Variants in MCM3AP observed in about 807,000 individuals in gnomAD.
MCM3AP encodes the protein minichromosome maintenance complex component 3 associated protein.
Under a neutral mutation model 184.1 loss-of-function variants are expected in MCM3AP, and 126 were observed. The ratio of observed to expected loss-of-function variants is 0.68; its 90% confidence interval spans 0.59 to 0.79. The LOEUF (loss-of-function observed/expected upper bound fraction) is 0.79. Among genes scored for constraint, MCM3AP ranks in the 30% least tolerant of loss-of-function variants. MCM3AP has a pLI of 0.00. For synonymous variants in MCM3AP, 1,002 were observed against 979.3 expected (o/e 1.02, Z -0.43); for missense variants, 2,496 against 2,479.2 (o/e 1.01, Z -0.14).
intron 23 of MCM3AP, 21 bp downstream of exon 23, chr21:46,244,786 C>A: frequency 6.3e-7 from 1 of 1,582,532 alleles, no homozygotes; most frequent in South Asian, 1.2e-5. Flanking sequence ...CCCACCAGAC[C>A]TCCCCAGGTC....
intron 10 of MCM3AP, chr21:46,266,386 C>G (rs1049439527): frequency 4.6e-6 from 2 of 434,540 alleles, no homozygotes; most frequent in Non-Finnish European, 8.1e-6. Flanking sequence ...CGCTGACTCA[C>G]TCCTGCCTCC....
At chr21:46,250,069 T>C (rs2080844352) in intron 20 of MCM3AP, 1 of 152,696 alleles carries the variant, frequency 6.5e-6, no homozygotes, top group African/African-American at 2.4e-5. Context: ...GACAGAACAT[T>C]TGGAAAACTC....
intron 19 of MCM3AP, chr21:46,253,083 G>A (rs2080897420): frequency 6.6e-6 from 1 of 152,230 alleles, no homozygotes; most frequent in Admixed American, 6.5e-5. Context: ...AGGCTGCGGT[G>A]AGCTGTTATC....
chr21:46,243,336 A>T, intron 24 of MCM3AP, 129 bp downstream of exon 24: 1 of 1,087,598 alleles, frequency 9.2e-7, no homozygotes, highest in Non-Finnish European at 1.3e-6. Context: ...TGAAGAGGGA[A>T]GTCCTAAGGA....
At chr21:46,273,623 A>G in intron 6 of MCM3AP, 38 bp from the exon 7 acceptor site, 1 of 1,572,880 alleles carries the variant, frequency 6.4e-7, no homozygotes, top group African/African-American at 1.3e-5. Context: ...CCCATGTGGC[A>G]TACCTTGGGC....
At chr21:46,268,762 G>A (rs998437905) in intron 9 of MCM3AP, among the ~76,000 whole-genome samples, 7 of 152,208 alleles carry the variant, frequency 4.6e-5, no homozygotes, top group Admixed American at 2.6e-4. Flanking sequence ...TATTAAAAAC[G>A]GCCAGGCAAG....
At chr21:46,278,841 T>C (rs911185108) in intron 4 of MCM3AP, among the ~76,000 whole-genome samples, 7 of 152,000 alleles carry the variant, frequency 4.6e-5, no homozygotes, top group Non-Finnish European at 1.0e-4. Context: ...GCCCGGCTAA[T>C]TTTTTGTATT....
intron 16 of MCM3AP, 132 bp from the exon 17 acceptor site, chr21:46,257,118 C>T (rs1021064741): frequency 5.5e-6 from 7 of 1,268,924 alleles, no homozygotes; most frequent in South Asian, 4.4e-5. Flanking sequence ...AACTACCGAA[C>T]GTTAACAGTT....
intron 23 of MCM3AP, 26 bp downstream of exon 23, chr21:46,244,781 C>T: frequency 6.3e-7 from 1 of 1,576,110 alleles, no homozygotes; most frequent in African/African-American, 1.3e-5. Flanking sequence ...AGCCACCCAC[C>T]AGACCTCCCC....
intron 19 of MCM3AP, 121 bp from the exon 20 acceptor site, chr21:46,251,803 A>G: frequency 3.4e-6 from 2 of 582,508 alleles, no homozygotes; most frequent in Non-Finnish European, 6.0e-6. Flanking sequence ...TAGGTCCACA[A>G]ATACCACATC....
intron 25 of MCM3AP, chr21:46,241,401 T>C (rs929619382): frequency 1.2e-5 from 2 of 172,274 alleles, no homozygotes; most frequent in East Asian, 1.6e-4. Flanking sequence ...TTTTTATAGA[T>C]AGCTCTTGGA....
At chr21:46,248,155 C>T (rs541756589) in intron 20 of MCM3AP, among the ~76,000 whole-genome samples, 25 of 152,236 alleles carry the variant, frequency 1.6e-4, no homozygotes, top group Admixed American at 8.5e-4. Flanking sequence ...TATACCCAGG[C>T]GCTGCAGACA....
intron 17 of MCM3AP, 26 bp downstream of exon 17, chr21:46,256,763 C>G: frequency 1.3e-6 from 2 of 1,536,082 alleles, no homozygotes; most frequent in Non-Finnish European, 1.8e-6. Flanking sequence ...GGAGCCCTGA[C>G]GAGGCAGGCG....
chr21:46,242,345 A>C (rs908861552), intron 25 of MCM3AP: 2 of 152,604 alleles, frequency 1.3e-5, no homozygotes, highest in African/African-American at 4.8e-5. Flanking sequence ...ACCCAAGCTA[A>C]AGAAAGTACC....
chr21:46,285,069 A>G lies in MCM3AP; in HGVS notation c.218T>C (p.Leu73Ser), dbSNP rs1569087012. ...GVSHSSSVQT[L>S]GFTQTSSVGP... ...AACACTTGAGGTTTGGGTGAACCCT[A>G]ATGTTTGCACTGAAGAGGAATGACT... is the stretch of plus-strand genomic sequence containing the variant. Residue 73 changes from leucine (L) to serine (S), a missense_variant, in exon 1 of 28, where the codon TTA becomes TCA. Coordinates refer to ENST00000291688, the MANE Select transcript of MCM3AP (RefSeq NM_003906.5). The G allele has an allele frequency of 1.2e-6, 2 of 1,614,218 alleles. No individual in the cohort carries two copies. Among genetic ancestry groups the G allele is most frequent in the East Asian group, 4.5e-5 (2 of 44,890 alleles).
rs574954242 is a variant in MCM3AP at position 46,278,989 on chromosome 21, GA to G, written c.1667+1003del. On this transcript the variant is annotated intron_variant, in intron 4 of 27. Coordinates refer to ENST00000291688, the MANE Select transcript of MCM3AP (RefSeq NM_003906.5). The stretch of plus-strand genomic sequence containing the variant: ...GCCCGGCCAGGAGACAGCTCTTCAG[GA>G]AAAAAAAAAAAAAAAAAGTAATGCT... Among the ~76,000 whole-genome samples, 488 of 122,712 alleles carry G rather than the reference GA, an allele frequency of 4.0e-3. 1 individual carries two copies. Among genetic ancestry groups the G allele is most frequent in the Middle Eastern group, 4.5e-3 (1 of 222 alleles). The allele number at this position is 122,712 out of a possible 152,430, so 80.5% of individuals were successfully genotyped here. A position where few individuals can be genotyped will look rare whatever the true frequency, so the allele number is the denominator to read the frequency against.
At chr21:46,258,901 G>C (rs201548564) in intron 16 of MCM3AP, 38 bp downstream of exon 16, 1 of 1,609,764 alleles carries the variant, frequency 6.2e-7, no homozygotes, top group Non-Finnish European at 8.5e-7. Flanking sequence ...ACTCTTCCCC[G>C]TGTGTGTGGA....
chr21:46,255,047 T>A (rs1307971488), intron 17 of MCM3AP, among the ~76,000 whole-genome samples: 1 of 152,102 alleles, frequency 6.6e-6, no homozygotes, highest in East Asian at 1.9e-4. Context: ...ACAGACAAAA[T>A]CCTGCCCTTT....
At chr21:46,239,718 T>C (rs1484948880) in intron 26 of MCM3AP, among the ~76,000 whole-genome samples, 1 of 152,166 alleles carries the variant, frequency 6.6e-6, no homozygotes, top group East Asian at 1.9e-4. Flanking sequence ...AGAATAGTGA[T>C]GTTACTTAAA....
Sources: allele counts gnomAD v4.1 joint callset (sites outside exome capture counted in the v4.1 genomes callset), GRCh38; gene constraint gnomAD v4.1.1; transcripts MANE v1.5; gene names NCBI Gene and HGNC (gene_info 2026-07-23, HGNC 2026-07-21).